HTR1E: variants seen among roughly 807,000 people sequenced by gnomAD.
HTR1E encodes the protein 5-HT-1E.
A neutral mutation model predicts 3.4 loss-of-function variants in HTR1E; 3 were observed. That is an observed-to-expected ratio of 0.89 (90% CI 0.41 to 2.31). HTR1E has a LOEUF of 2.31. HTR1E is among the 30% of genes most tolerant of loss of function. The pLI, the probability that HTR1E is intolerant of heterozygous loss-of-function variation, is 0.05. For missense variants in HTR1E, 392 were observed against 467.0 expected, an observed-to-expected ratio of 0.84 and a Z score of 1.48; for synonymous variants, 170 against 182.8, an observed-to-expected ratio of 0.93 and a Z score of 0.56.
chr6:86,958,602 A>G (rs1351205111), intron 1 of HTR1E, among the ~76,000 whole-genome samples: 4 of 152,178 alleles, frequency 2.6e-5, no homozygotes, highest in Non-Finnish European at 5.9e-5. Context: ...TCGAGCATTG[A>G]GTAGATGCTC....
At chr6:87,003,958 C>T (rs950534180) in intron 1 of HTR1E, among the ~76,000 whole-genome samples, 2 of 152,090 alleles carry the variant, frequency 1.3e-5, no homozygotes, top group Admixed American at 6.6e-5. Flanking sequence ...TTCAAAAGAT[C>T]GTTAGAGGCT....
intron 1 of HTR1E, among the ~76,000 whole-genome samples, chr6:86,962,386 T>C (rs571613924): frequency 2.0e-4 from 31 of 152,220 alleles, no homozygotes; most frequent in Non-Finnish European, 4.0e-4. Flanking sequence ...CACATAATAA[T>C]GTTTTGGTCA....
At chr6:86,994,029 G>A (rs887317775) in intron 1 of HTR1E, among the ~76,000 whole-genome samples, 1 of 152,168 alleles carries the variant, frequency 6.6e-6, no homozygotes, top group South Asian at 2.1e-4. Context: ...AGAGCAGCAT[G>A]GAAAACAGAG....
intron 1 of HTR1E, among the ~76,000 whole-genome samples, chr6:86,948,721 C>T (rs1767162432): frequency 6.6e-6 from 1 of 152,100 alleles, no homozygotes; most frequent in Non-Finnish European, 1.5e-5. Context: ...CCCATCCAAA[C>T]ATCTTGTTCT....
intron 1 of HTR1E, among the ~76,000 whole-genome samples, chr6:86,938,485 G>A (rs1768502516): frequency 6.6e-6 from 1 of 152,184 alleles, no homozygotes; most frequent in Non-Finnish European, 1.5e-5. Flanking sequence ...TAACGAAAAG[G>A]AAAGGAAATT....
At chr6:87,002,394 T>C (rs1562072023) in intron 1 of HTR1E, among the ~76,000 whole-genome samples, 1 of 152,366 alleles carries the variant, frequency 6.6e-6, no homozygotes, top group Admixed American at 6.5e-5. Flanking sequence ...AAGAACAAAG[T>C]GTCCACAGTA....
intron 1 of HTR1E, among the ~76,000 whole-genome samples, chr6:86,946,134 T>C (rs1204247835): frequency 6.6e-6 from 1 of 152,220 alleles, no homozygotes; most frequent in Non-Finnish European, 1.5e-5. Context: ...TAGGTATAGC[T>C]TAAGTGTACA....
chr6:86,964,638 G>C (rs972740750), intron 1 of HTR1E, among the ~76,000 whole-genome samples: 4 of 152,122 alleles, frequency 2.6e-5, no homozygotes, highest in African/African-American at 9.7e-5. Flanking sequence ...TGTCTAAGCT[G>C]TAAACTTCTC....
At chr6:86,971,102 G>T in intron 1 of HTR1E, 1 of 510,564 alleles carries the variant, frequency 2.0e-6, no homozygotes, top group Admixed American at 2.0e-5. Context: ...CCATGAGGAG[G>T]AATGAAGAAA....
In HTR1E at chr6:86,946,020, TGAGCC is replaced by T. The variant is rs1169457613; in HGVS notation, c.-186+8198_-186+8202del. 3.9e-5 allele frequency among the ~76,000 whole-genome samples: 6 copies of T among 152,346 alleles called. No homozygotes were observed. In the East Asian group the frequency reaches 9.6e-4, roughly 24 times the overall value. On this transcript the variant is annotated intron_variant, in intron 1 of 1. Coordinates refer to ENST00000305344, the MANE Select transcript of HTR1E (RefSeq NM_000865.3). ...TCCCAAAGTGCTGGTATTACAGGCA[TGAGCC>T]ACCACACCCGGCCTAATTAAAAAGT...
At chr6:86,955,237 C>G (rs1213655160) in intron 1 of HTR1E, among the ~76,000 whole-genome samples, 1 of 152,220 alleles carries the variant, frequency 6.6e-6, no homozygotes, top group Non-Finnish European at 1.5e-5. Flanking sequence ...CAGGCAGGTC[C>G]ACCTCCCTGT....
At chr6:86,970,641 A>T (rs1767537018) in intron 1 of HTR1E, 1 of 159,622 alleles carries the variant, frequency 6.3e-6, no homozygotes, top group Admixed American at 6.5e-5. Flanking sequence ...ACACAGATGG[A>T]CAGAATGGAG....
intron 1 of HTR1E, among the ~76,000 whole-genome samples, chr6:86,968,532 G>T (rs188069172): frequency 6.6e-6 from 1 of 152,286 alleles, no homozygotes; most frequent in African/African-American, 2.4e-5. Flanking sequence ...GAATCTCATG[G>T]TAGTTTCATT....
intron 1 of HTR1E, among the ~76,000 whole-genome samples, chr6:86,989,171 C>G (rs1767839107): frequency 6.6e-6 from 1 of 152,116 alleles, no homozygotes; most frequent in South Asian, 2.1e-4. Context: ...TGTCCCTACC[C>G]CGACACCACA....
intron 1 of HTR1E, among the ~76,000 whole-genome samples, chr6:86,993,598 C>T (rs1767898380): frequency 6.6e-6 from 1 of 151,938 alleles, no homozygotes; most frequent in Admixed American, 6.6e-5. Flanking sequence ...TCTATCTCCT[C>T]CCCTGCCAGA....
chr6:87,012,131 G>A (rs1469518364), intron 1 of HTR1E, among the ~76,000 whole-genome samples: 3 of 152,156 alleles, frequency 2.0e-5, no homozygotes, highest in Non-Finnish European at 2.9e-5. Context: ...GTAGGAGTGG[G>A]GGACAGTAAA....
chr6:86,969,951 T>C (rs929746676), intron 1 of HTR1E, among the ~76,000 whole-genome samples: 1 of 152,162 alleles, frequency 6.6e-6, no homozygotes, highest in Admixed American at 6.6e-5. Flanking sequence ...AAAAATGAAG[T>C]AGAACCAAGA....
chr6:86,988,595 C>T (rs1767828678), intron 1 of HTR1E, among the ~76,000 whole-genome samples: 2 of 152,146 alleles, frequency 1.3e-5, no homozygotes, highest in Non-Finnish European at 2.9e-5. Flanking sequence ...AGGCAGAAAG[C>T]ATGCCTACTC....
intron 1 of HTR1E, among the ~76,000 whole-genome samples, chr6:86,995,324 AAAG>A (rs1767920908): frequency 2.0e-5 from 3 of 150,294 alleles, no homozygotes; most frequent in African/African-American, 7.4e-5. Context: ...ATAAATAAAT[AAAG>A]GTCTACATAC....
Sources: allele counts gnomAD v4.1 joint callset (sites outside exome capture counted in the v4.1 genomes callset), GRCh38; gene constraint gnomAD v4.1.1; transcripts MANE v1.5; gene names NCBI Gene and HGNC (gene_info 2026-07-23, HGNC 2026-07-21).